TTLL7: variants seen among roughly 807,000 people sequenced by gnomAD.
TTLL7 encodes tubulin polyglutamylase TTLL7.
In TTLL7, 53 loss-of-function variants were observed where a neutral mutation model predicts 120.2. That is an observed-to-expected ratio of 0.44 (90% CI 0.35 to 0.55). The LOEUF is 0.55. TTLL7 is among the 20% of genes least tolerant of loss of function. The probability of loss-of-function intolerance (pLI) is 0.00; values close to 1 mark genes in which losing one functional copy is unlikely to be tolerated. For missense variants in TTLL7, 803 were observed against 1,054.7 expected (o/e 0.76, Z 3.31); for synonymous variants, 353 against 351.7 (o/e 1.00, Z -0.04).
At chr1:83,906,306 T>TAC in intron 17 of TTLL7, 23 bp downstream of exon 17, 2 of 1,596,320 alleles carry the variant, frequency 1.3e-6, no homozygotes, top group Non-Finnish European at 1.7e-6. Flanking sequence ...CTCCTTGGCA[T>TAC]TTTAGATACA....
intron 10 of TTLL7, among the ~76,000 whole-genome samples, chr1:83,924,391 A>G (rs1388369658): frequency 6.6e-6 from 1 of 152,220 alleles, no homozygotes; most frequent in Non-Finnish European, 1.5e-5. Flanking sequence ...CGCCTTAAAA[A>G]GGAGGAAATT....
At chr1:83,892,556 GAACATA>G in intron 18 of TTLL7, among the ~76,000 whole-genome samples, 3 of 47,398 alleles carry the variant, frequency 6.3e-5, no homozygotes, top group Non-Finnish European at 1.2e-4. Flanking sequence ...ACATATATAT[GAACATA>G]TGAACATATA....
chr1:83,930,668 A>C (rs1197476152), intron 9 of TTLL7, among the ~76,000 whole-genome samples: 1 of 152,192 alleles, frequency 6.6e-6, no homozygotes, highest in Admixed American at 6.6e-5. Context: ...TATATGTGAC[A>C]TGGTTATAAA....
At chr1:83,906,199 A>T (rs1218424677) in intron 17 of TTLL7, 130 bp downstream of exon 17, 5 of 745,382 alleles carry the variant, frequency 6.7e-6, no homozygotes, top group Non-Finnish European at 1.1e-5. Flanking sequence ...AAGCTAGTAG[A>T]GGTTGAAAAG....
At chr1:83,882,268 A>C (rs1654578654) in intron 20 of TTLL7, among the ~76,000 whole-genome samples, 1 of 149,434 alleles carries the variant, frequency 6.7e-6, no homozygotes, top group African/African-American at 2.4e-5. Flanking sequence ...TAATAATAAT[A>C]ATTAAATAAA....
chr1:83,943,253 A>G (rs926231034), intron 6 of TTLL7, among the ~76,000 whole-genome samples: 9 of 152,184 alleles, frequency 5.9e-5, no homozygotes, highest in African/African-American at 2.2e-4. Context: ...AAAGACTGGG[A>G]GGAAGGGCTG....
intron 17 of TTLL7, among the ~76,000 whole-genome samples, chr1:83,905,119 G>A (rs768474129): frequency 2.0e-5 from 3 of 151,612 alleles, no homozygotes; most frequent in Non-Finnish European, 4.4e-5. Context: ...CAAAGTCATT[G>A]GCTATATATA....
At chr1:83,954,498 C>CCTA (rs1464862108) in intron 1 of TTLL7, among the ~76,000 whole-genome samples, 3 of 152,172 alleles carry the variant, frequency 2.0e-5, no homozygotes, top group Non-Finnish European at 2.9e-5. Flanking sequence ...ACCATAGTTA[C>CCTA]CTACTTTCCA....
At chr1:83,947,971 T>A (rs577092357) in intron 5 of TTLL7, among the ~76,000 whole-genome samples, 16 of 152,220 alleles carry the variant, frequency 1.1e-4, no homozygotes, top group African/African-American at 3.9e-4. Flanking sequence ...AATTTTTCAG[T>A]TTATTAAGTA....
At chr1:83,900,446 G>A (rs1356917828) in intron 18 of TTLL7, among the ~76,000 whole-genome samples, 1 of 151,956 alleles carries the variant, frequency 6.6e-6, no homozygotes, top group Admixed American at 6.6e-5. Flanking sequence ...TGGTTGTAGG[G>A]GACTCCAGAT....
chr1:83,892,239 A>AATATATATGTATATATGAAT lies in TTLL7; in HGVS notation c.2209-1778_2209-1759dup, dbSNP rs1247604345. Reference sequence around the variant, plus strand: ...ATGAATATATATGTGTATATATATGAATATATATGTATATATGAATATATA... The same window carrying AATATATATGTATATATGAAT: ...ATGAATATATATGTGTATATATATGAATATATATGTATATATGAATATATATATGTATATATGAATATATA... On this transcript the variant is annotated intron_variant, in intron 18 of 20. Transcript: ENST00000260505. Among the ~76,000 whole-genome samples, 2 of 139,082 alleles carry AATATATATGTATATATGAAT rather than the reference A, an allele frequency of 1.4e-5. 1 individual carries two copies. Among genetic ancestry groups the AATATATATGTATATATGAAT allele is most frequent in the Admixed American group, 1.5e-4 (2 of 13,602 alleles). 91.2% of individuals were successfully genotyped at this position (139,082 alleles called of 152,430 possible). A position where few individuals can be genotyped will look rare whatever the true frequency, so the allele number is the denominator to read the frequency against.
rs540876353 is a variant in TTLL7 at position 83,911,061 on chromosome 1, C to G, written c.1786+104G>C. The G allele has an allele frequency of 7.7e-6, 7 of 914,404 alleles. No individual in the cohort carries two copies. The South Asian group carries it at 9.9e-5, about 13-fold the overall frequency. 56.6% of individuals were successfully genotyped at this position (914,404 alleles called of 1,614,324 possible). A position where few individuals can be genotyped will look rare whatever the true frequency, so the allele number is the denominator to read the frequency against. Reference sequence around the variant, plus strand: ...AAGTGGGATGGAATCCAGGTCTCCTCACACACAACAGGGTTCATTTGGCCC... The same window carrying G: ...AAGTGGGATGGAATCCAGGTCTCCTGACACACAACAGGGTTCATTTGGCCC... On this transcript the variant is annotated intron_variant, in intron 15 of 20. Coordinates refer to ENST00000260505, the MANE Select transcript of TTLL7 (RefSeq NM_024686.6).
At chr1:83,883,714 C>T (rs375590959) in intron 19 of TTLL7, among the ~76,000 whole-genome samples, 4 of 151,970 alleles carry the variant, frequency 2.6e-5, no homozygotes, top group Middle Eastern at 3.2e-3. Context: ...TAGGCTTTCT[C>T]GGAATCTGTA....
At chr1:83,880,921 C>T (rs1654392613) in intron 20 of TTLL7, among the ~76,000 whole-genome samples, 1 of 151,998 alleles carries the variant, frequency 6.6e-6, no homozygotes, top group South Asian at 2.1e-4. Context: ...GAACAGAGCC[C>T]TCAGAAATAA....
At chr1:83,917,032 G>A (rs1178241976) in intron 14 of TTLL7, among the ~76,000 whole-genome samples, 3 of 151,154 alleles carry the variant, frequency 2.0e-5, no homozygotes, top group Non-Finnish European at 4.4e-5. Context: ...GCCCAGGAGT[G>A]TGAGGCTACA....
chr1:83,954,581 A>T (rs1422320310), intron 1 of TTLL7, among the ~76,000 whole-genome samples: 1 of 152,216 alleles, frequency 6.6e-6, no homozygotes, highest in Non-Finnish European at 1.5e-5. Context: ...GCTGCAAAGC[A>T]GAATTGCCTG....
intron 9 of TTLL7, among the ~76,000 whole-genome samples, chr1:83,931,463 A>G (rs1379039548): frequency 1.3e-5 from 2 of 151,402 alleles, no homozygotes; most frequent in Non-Finnish European, 2.9e-5. Flanking sequence ...TTTCTTCTGT[A>G]AAGATTCTTT....
intron 18 of TTLL7, among the ~76,000 whole-genome samples, chr1:83,902,890 T>C (rs897792040): frequency 1.4e-4 from 21 of 151,670 alleles, no homozygotes; most frequent in Non-Finnish European, 2.5e-4. Flanking sequence ...AGCAAAACCC[T>C]CCCCCTCTTT....
chr1:83,950,419 G>A (rs1648937008), intron 3 of TTLL7, among the ~76,000 whole-genome samples: 1 of 152,042 alleles, frequency 6.6e-6, no homozygotes, highest in Admixed American at 6.6e-5. Flanking sequence ...CACCTCCCTA[G>A]TTCAAATTAT....
Sources: allele counts gnomAD v4.1 joint callset (sites outside exome capture counted in the v4.1 genomes callset), GRCh38; gene constraint gnomAD v4.1.1; transcripts MANE v1.5; gene names NCBI Gene and HGNC (gene_info 2026-07-23, HGNC 2026-07-21).